The following DBT variants were observed in gnomAD, a reference collection of about 807,000 sequenced individuals.
The protein encoded by DBT is dihydrolipoamide branched chain transacylase E2, also known as lipoamide acyltransferase component of branched-chain alpha-keto acid dehydrogenase complex, mitochondrial.
Under a neutral mutation model 51.3 loss-of-function variants are expected in DBT, and 40 were observed. That is an observed-to-expected ratio of 0.78 (90% CI 0.61 to 1.02). The LOEUF is 1.02. Ranked by LOEUF, DBT falls within the 50% of genes least tolerant of loss-of-function variation. The probability of loss-of-function intolerance (pLI) is 0.00; values close to 1 mark genes in which losing one functional copy is unlikely to be tolerated. For missense variants in DBT, 510 were observed against 580.2 expected (o/e 0.88, Z 1.24); for synonymous variants, 181 against 190.4 (o/e 0.95, Z 0.41).
chr1:100,211,655 A>G (rs1319206435), intron 7 of DBT, among the ~76,000 whole-genome samples: 2 of 152,208 alleles, frequency 1.3e-5, no homozygotes, highest in Non-Finnish European at 2.9e-5. Context: ...AAAAAAGTTT[A>G]AATATATAGA....
intron 1 of DBT, among the ~76,000 whole-genome samples, chr1:100,246,279 T>G (rs1461490368): frequency 6.6e-6 from 1 of 151,954 alleles, no homozygotes; most frequent in African/African-American, 2.4e-5. Context: ...AATAAAAAAT[T>G]AATAATTCAA....
At position 100,225,496 on chromosome 1, in the gene DBT, T is replaced by A. The variant is rs372782624; in HGVS notation, c.433+5237A>T. 1.5e-4 allele frequency among the ~76,000 whole-genome samples: 23 copies of A among 152,192 alleles called. No individual in the cohort carries two copies. The East Asian group carries it at 2.7e-3, about 18-fold the overall frequency. ...ATTTGCTATACCCAGACTTATTAAG[T>A]TGGATCTTACTTGAGATGTCAAAAC... On this transcript the variant is annotated intron_variant, in intron 4 of 10. Coordinates refer to ENST00000370132, the MANE Select transcript of DBT (RefSeq NM_001918.5).
chr1:100,188,767 T>C lies in DBT; in HGVS notation c.*7488A>G, dbSNP rs1405276375. ...CCATAAAAGCCTGATATAGATGACCTCTCTATAACAGAACTGCAATTATTC... is the reference window on the plus strand; with the variant it reads ...CCATAAAAGCCTGATATAGATGACCCCTCTATAACAGAACTGCAATTATTC... On this transcript the variant is annotated 3_prime_UTR_variant, in exon 11 of 11. Coordinates refer to ENST00000370132, the MANE Select transcript of DBT (RefSeq NM_001918.5). The C allele has an allele frequency of 1.3e-5, 2 of 152,192 alleles. No homozygotes were observed. The highest frequency in any genetic ancestry group is 2.9e-5 in the Non-Finnish European group (2 of 68,064). 9.4% of individuals were successfully genotyped at this position (152,192 alleles called of 1,614,324 possible).
chr1:100,217,465 T>C (rs1662563351), intron 5 of DBT, among the ~76,000 whole-genome samples: 1 of 152,212 alleles, frequency 6.6e-6, no homozygotes, highest in Non-Finnish European at 1.5e-5. Flanking sequence ...TGTGTATGCA[T>C]CTTCTAATTT....
chr1:100,247,343 A>C (rs1378136659), intron 1 of DBT, among the ~76,000 whole-genome samples: 3 of 152,246 alleles, frequency 2.0e-5, no homozygotes, highest in African/African-American at 7.2e-5. Context: ...AGACACCTCC[A>C]GTTGAGGGCA....
chr1:100,214,576 G>A (rs556421133), intron 7 of DBT, among the ~76,000 whole-genome samples: 158 of 152,238 alleles, frequency 1.0e-3, no homozygotes, highest in Admixed American at 9.8e-4. Flanking sequence ...CCAACATGGC[G>A]AAACCACGTG....
At chr1:100,213,190 AAG>A in intron 7 of DBT, 1 of 505,614 alleles carries the variant, frequency 2.0e-6, no homozygotes, top group Middle Eastern at 5.8e-4. Context: ...TCTGAGAATT[AAG>A]AGATAATGGG....
chr1:100,238,430 A>G (rs1182395064), intron 2 of DBT, among the ~76,000 whole-genome samples: 2 of 98,942 alleles, frequency 2.0e-5, no homozygotes, highest in Non-Finnish European at 4.0e-5. Context: ...TCTTTCTTTT[A>G]TTTCCCCTCC....
At chr1:100,241,266 A>G (rs1480408346) in intron 1 of DBT, among the ~76,000 whole-genome samples, 1 of 152,200 alleles carries the variant, frequency 6.6e-6, no homozygotes, top group Non-Finnish European at 1.5e-5. Context: ...ACTATTTTAC[A>G]TAGTACCTTA....
At chr1:100,239,463 G>A (rs1363385383) in intron 2 of DBT, among the ~76,000 whole-genome samples, 3 of 152,080 alleles carry the variant, frequency 2.0e-5, no homozygotes, top group South Asian at 4.1e-4. Flanking sequence ...TTAGGCTATA[G>A]TGGAGGATGA....
At chr1:100,213,328 C>A in intron 7 of DBT, 2 of 1,510,388 alleles carry the variant, frequency 1.3e-6, no homozygotes, top group South Asian at 2.5e-5. Flanking sequence ...AGCGGCCGCC[C>A]GCCTACAACC....
rs187688215 is a variant in DBT, at chr1:100,190,471, A to G, written c.*5784T>C. ...GGACACATAACATTACCCTGCCACA[A>G]TGAAATTTGTAGAGGTCTGGGATCA... is the stretch of plus-strand genomic sequence containing the variant. On this transcript the variant is annotated 3_prime_UTR_variant, in exon 11 of 11. Transcript: ENST00000370132. 6.6e-5 allele frequency: 10 copies of G among 152,360 alleles called. No homozygotes were observed. In the East Asian group the frequency reaches 9.6e-4, roughly 15 times the overall value. 9.4% of individuals were successfully genotyped at this position (152,360 alleles called of 1,614,324 possible).
intron 10 of DBT, among the ~76,000 whole-genome samples, chr1:100,203,809 ATAAAC>A (rs1661592238): frequency 1.3e-5 from 2 of 152,228 alleles, no homozygotes; most frequent in Non-Finnish European, 1.5e-5. Flanking sequence ...GTGCAAATCA[ATAAAC>A]ATAATCCATC....
Position 100,214,884 on chromosome 1 carries a change from C to A in DBT, c.872G>T (p.Arg291Leu), listed in dbSNP as rs775808731. Residue 291 changes from arginine to leucine, a missense_variant, in exon 7 of 11, where the codon CGA (arginine) becomes CTA (leucine). Physicochemically the swap from Arg to Leu is moderately radical, Grantham distance 102. Coordinates refer to ENST00000370132, the MANE Select transcript of DBT (RefSeq NM_001918.5). ...AAATGCAATGGGTTTTAATTCTTCT[C>A]GGAGCTTAACCAGTTCAGTAAGGTC... is the stretch of plus-strand genomic sequence containing the variant. ...EIDLTELVKL[R>L]EELKPIAFAR... 4.3e-6 allele frequency: 7 copies of A among 1,613,896 alleles called. No homozygotes were observed. The Admixed American group carries it at 1.0e-4, about 23-fold the overall frequency.
At chr1:100,210,529 A>G in intron 8 of DBT, 165 bp downstream of exon 8, 2 of 987,194 alleles carry the variant, frequency 2.0e-6, no homozygotes, top group South Asian at 1.8e-5. Context: ...ATTAACACAA[A>G]AACAACAACA....
intron 1 of DBT, chr1:100,249,062 T>C: frequency 1.0e-6 from 1 of 985,160 alleles, no homozygotes; most frequent in South Asian, 4.7e-5. Flanking sequence ...TTTTGTAAGA[T>C]CGGGGTCACC....
At chr1:100,218,951 C>T (rs762459726) in intron 4 of DBT, among the ~76,000 whole-genome samples, 39 of 150,604 alleles carry the variant, frequency 2.6e-4, no homozygotes, top group Admixed American at 1.1e-3. Context: ...GGGTGTGTGC[C>T]GGTACCTGGT....
At chr1:100,214,414 A>C (rs757124770) in intron 7 of DBT, among the ~76,000 whole-genome samples, 11 of 152,228 alleles carry the variant, frequency 7.2e-5, no homozygotes, top group Non-Finnish European at 1.2e-4. Context: ...ATTTTTATTC[A>C]AGGCCACAGT....
At chr1:100,229,184 A>G (rs1212115804) in intron 4 of DBT, among the ~76,000 whole-genome samples, 2 of 150,558 alleles carry the variant, frequency 1.3e-5, no homozygotes, top group African/African-American at 4.9e-5. Context: ...CCTTTTTTTT[A>G]AGAGATGGAG....
Sources: gnomAD v4.1 joint callset for allele counts (sites outside exome capture counted in the v4.1 genomes callset) on GRCh38, gnomAD v4.1.1 for gene constraint, MANE v1.5 for transcripts, NCBI Gene and HGNC (gene_info 2026-07-23, HGNC 2026-07-21) for gene names.